Variants in GPATCH2 observed in about 807,000 individuals in gnomAD.
GPATCH2 encodes the protein G-patch domain containing 2, also known as G patch domain-containing protein 2.
GPATCH2 carries 51 observed loss-of-function variants against 58.0 expected under a neutral mutation model. That is an observed-to-expected ratio of 0.88 (90% CI 0.70 to 1.11). The LOEUF (loss-of-function observed/expected upper bound fraction) is 1.11. Ranked by LOEUF, GPATCH2 falls within the 50% of genes most tolerant of loss-of-function variation. The pLI is 0.00. For synonymous variants in GPATCH2, 222 were observed against 218.5 expected (o/e 1.02, Z -0.14); for missense variants, 625 against 652.2 (o/e 0.96, Z 0.45).
intron 8 of GPATCH2, among the ~76,000 whole-genome samples, chr1:217,468,366 A>G (rs1660556055): frequency 6.6e-6 from 1 of 152,186 alleles, no homozygotes; most frequent in African/African-American, 2.4e-5. Context: ...CTCTAGATGT[A>G]AATACCAATT....
At chr1:217,593,543 T>G (rs1327078873) in intron 5 of GPATCH2, among the ~76,000 whole-genome samples, 5 of 152,066 alleles carry the variant, frequency 3.3e-5, no homozygotes, top group Admixed American at 6.5e-5. Context: ...AGCAATATTT[T>G]GGCTCTGTAC....
chr1:217,568,112 G>C (rs778778223), intron 5 of GPATCH2, among the ~76,000 whole-genome samples: 1 of 151,854 alleles, frequency 6.6e-6, no homozygotes, highest in Non-Finnish European at 1.5e-5. Context: ...GCAAGACTCC[G>C]TCTCAAAAAA....
chr1:217,549,548 C>CT (rs11454451), intron 5 of GPATCH2, among the ~76,000 whole-genome samples: 36,197 of 151,990 alleles, frequency 0.24, 5,066 homozygotes, highest in East Asian at 0.45. Flanking sequence ...AAACAAATGG[C>CT]CCATTTTATC....
intron 6 of GPATCH2, among the ~76,000 whole-genome samples, chr1:217,512,475 T>A (rs1010295807): frequency 2.6e-5 from 4 of 152,204 alleles, no homozygotes; most frequent in African/African-American, 9.6e-5. Context: ...AATGACTAGA[T>A]CTTCCTGAAT....
At chr1:217,468,584 T>C (rs1006607846) in intron 8 of GPATCH2, among the ~76,000 whole-genome samples, 9 of 142,752 alleles carry the variant, frequency 6.3e-5, no homozygotes, top group Admixed American at 4.2e-4. Flanking sequence ...GAAAGAGAGA[T>C]AGAAGAGAGA....
chr1:217,443,394 T>G (rs1403610167), intron 9 of GPATCH2, among the ~76,000 whole-genome samples: 1 of 152,178 alleles, frequency 6.6e-6, no homozygotes, highest in African/African-American at 2.4e-5. Flanking sequence ...ATTTTTAAGT[T>G]TGCTACCGGT....
At position 217,573,993 on chromosome 1, in the gene GPATCH2, T is replaced by A. The variant is rs74860760; in HGVS notation, c.1098+36328A>T. Among the ~76,000 whole-genome samples the A allele has an allele frequency of 2.0e-5, 3 of 152,302 alleles. No individual in the cohort carries two copies. In the East Asian group the frequency reaches 5.8e-4, roughly 29 times the overall value. ...TTGCAGAGAATGAGAATGGTTTGCT[T>A]GGCAAAAATGATATCTGAGAAAATG... On this transcript the variant is annotated intron_variant, in intron 5 of 9. Coordinates refer to ENST00000366935, the MANE Select transcript of GPATCH2 (RefSeq NM_018040.5).
intron 5 of GPATCH2, among the ~76,000 whole-genome samples, chr1:217,600,549 A>G (rs1450450700): frequency 6.6e-6 from 1 of 152,182 alleles, no homozygotes; most frequent in African/African-American, 2.4e-5. Flanking sequence ...GGGAAAGTAG[A>G]AAACCGAAAT....
chr1:217,610,212 T>A (rs1254217703), intron 5 of GPATCH2, 109 bp downstream of exon 5: 1 of 1,585,562 alleles, frequency 6.3e-7, no homozygotes. Context: ...AATGGATTAT[T>A]TTTAAGTTTA....
chr1:217,489,759 G>A (rs1388618505), intron 8 of GPATCH2, among the ~76,000 whole-genome samples: 1 of 152,206 alleles, frequency 6.6e-6, no homozygotes, highest in Admixed American at 6.5e-5. Context: ...CTACTTGGGA[G>A]GCTGGGGCAG....
intron 5 of GPATCH2, among the ~76,000 whole-genome samples, chr1:217,573,441 T>G (rs1308626743): frequency 6.6e-6 from 1 of 152,200 alleles, no homozygotes; most frequent in African/African-American, 2.4e-5. Context: ...TAAAGAGACA[T>G]TCTTTAAAAT....
rs532658472 is a variant in GPATCH2, at chr1:217,494,222, A to G, written c.1207-2472T>C. 5.3e-5 allele frequency among the ~76,000 whole-genome samples: 8 copies of G among 152,332 alleles called. No homozygotes were observed. In the South Asian group the frequency reaches 1.7e-3, roughly 32 times the overall value. ...ACAAGTCAAACAATGGCATTACTTAATGCAATGCATCTATATGTATAAAAC... is the reference window on the plus strand; with the variant it reads ...ACAAGTCAAACAATGGCATTACTTAGTGCAATGCATCTATATGTATAAAAC... On this transcript the variant is annotated intron_variant, in intron 7 of 9. Coordinates refer to ENST00000366935, the MANE Select transcript of GPATCH2 (RefSeq NM_018040.5).
At chr1:217,493,412 C>T (rs562307328) in intron 7 of GPATCH2, among the ~76,000 whole-genome samples, 2 of 151,956 alleles carry the variant, frequency 1.3e-5, no homozygotes, top group Admixed American at 1.3e-4. Context: ...GGGTATGTAC[C>T]ATGCTGTTGC....
intron 5 of GPATCH2, among the ~76,000 whole-genome samples, chr1:217,521,621 T>G (rs1663463663): frequency 6.6e-6 from 1 of 152,128 alleles, no homozygotes; most frequent in Non-Finnish European, 1.5e-5. Context: ...TACTAATCAT[T>G]ACAGCAAAAG....
chr1:217,524,420 G>A (rs1238642418), intron 5 of GPATCH2, among the ~76,000 whole-genome samples: 2 of 151,764 alleles, frequency 1.3e-5, no homozygotes, highest in Admixed American at 1.3e-4. Context: ...CAGACGATGG[G>A]CGGCCAGGCA....
chr1:217,534,524 A>T (rs1304298436), intron 5 of GPATCH2, among the ~76,000 whole-genome samples: 1 of 152,094 alleles, frequency 6.6e-6, no homozygotes, highest in Non-Finnish European at 1.5e-5. Flanking sequence ...TTCAAAATGA[A>T]ATTCTGTGTT....
chr1:217,474,606 A>C (rs1660889203), intron 8 of GPATCH2, among the ~76,000 whole-genome samples: 1 of 152,246 alleles, frequency 6.6e-6, no homozygotes, highest in South Asian at 2.1e-4. Flanking sequence ...GACTAAAGCC[A>C]TAACTGCATA....
chr1:217,526,171 C>T (rs573229934), intron 5 of GPATCH2, among the ~76,000 whole-genome samples: 1 of 152,250 alleles, frequency 6.6e-6, no homozygotes, highest in South Asian at 2.1e-4. Context: ...TTCTAAGAAT[C>T]TCAAGGACCA....
At position 217,431,243 on chromosome 1, in the gene GPATCH2, T is replaced by C. The variant is rs375817492; in HGVS notation, c.1489A>G (p.Ile497Val). ...CCCTTTGGCCTCTGCATGGCTTGAATTGGCTCAGAGATCCCCTTGCCATCT... is the reference window on the plus strand; with the variant it reads ...CCCTTTGGCCTCTGCATGGCTTGAACTGGCTCAGAGATCCCCTTGCCATCT... ...GRDGKGISEP[I>V]QAMQRPKGLG... The change falls in exon 10 of 10, where the codon ATT (isoleucine) becomes GTT (valine). Residue 497 changes from isoleucine (I) to valine (V), a missense_variant. Physicochemically the swap from Ile to Val is conservative, Grantham distance 29. Transcript: ENST00000366935. 4.3e-6 allele frequency: 7 copies of C among 1,610,546 alleles called. No individual in the cohort carries two copies. The highest frequency in any genetic ancestry group is 1.7e-4 in the Middle Eastern group (1 of 6,054).
Sources: allele counts gnomAD v4.1 joint callset (sites outside exome capture counted in the v4.1 genomes callset), GRCh38; gene constraint gnomAD v4.1.1; transcripts MANE v1.5; gene names NCBI Gene and HGNC (gene_info 2026-07-23, HGNC 2026-07-21).